Variants in ITM2C observed in about 807,000 individuals in gnomAD.
ITM2C encodes the protein integral membrane protein 2C.
In ITM2C, 20 loss-of-function variants were observed where a neutral mutation model predicts 30.0. That is an observed-to-expected ratio of 0.67 (90% CI 0.47 to 0.97). ITM2C has a LOEUF of 0.97. Ranked by LOEUF, ITM2C falls within the 50% of genes least tolerant of loss-of-function variation. The probability of loss-of-function intolerance (pLI) is 0.00; values close to 1 mark genes in which losing one functional copy is unlikely to be tolerated. For missense variants in ITM2C, 366 were observed against 371.9 expected (o/e 0.98, Z 0.13); for synonymous variants, 167 against 156.4 (o/e 1.07, Z -0.51).
At chr2:230,867,651 C>G (rs944317465) in intron 1 of ITM2C, among the ~76,000 whole-genome samples, 1 of 125,448 alleles carries the variant, frequency 8.0e-6, no homozygotes, top group African/African-American at 3.1e-5. Flanking sequence ...TTTATTTTAT[C>G]TATTTTATTT....
At position 230,877,459 on chromosome 2, in the gene ITM2C, T is replaced by C. The variant is rs940283515; in HGVS notation, c.621T>C (p.His207=). 3 of 1,613,596 alleles carry C rather than the reference T, an allele frequency of 1.9e-6. No homozygotes were observed. The highest frequency in any genetic ancestry group is 1.3e-5 in the African/African-American group (1 of 74,910). Residue 207 remains histidine, a synonymous_variant, in exon 5 of 6, where the codon CAT becomes CAC. Transcript: ENST00000326427. The surrounding 1 kb of genome is among the most constrained non-coding windows in gnomAD (Gnocchi z 4.8). ...IIQEEMVVTE[H]VSDKEALGSF... is the part of the protein sequence containing the mutation. ...AGGAGGAGATGGTGGTCACGGAGCA[T>C]GTCAGTGACAAGGAGGCCCTGGGGT...
Position 230,877,405 on chromosome 2 carries a change from G to A in ITM2C, c.567G>A (p.Gly189=), listed in dbSNP as rs1475981134. 1 of 1,613,562 alleles carries A rather than the reference G, an allele frequency of 6.2e-7. No homozygotes were observed. The highest frequency in any genetic ancestry group is 8.5e-7 in the Non-Finnish European group (1 of 1,179,938). The change falls in exon 5 of 6, where the codon GGG becomes GGA. Residue 189 remains glycine, a synonymous_variant. Transcript: ENST00000326427. This position sits in a 1 kb window ranked among gnomAD's most constrained non-coding sequence, Gnocchi z 4.8. Reference sequence around the variant, plus strand: ...GCGGCCACCTTGTTTTGCAGAGGGGGACCTACCTGCCGCAGACGTACATCA... The same window carrying A: ...GCGGCCACCTTGTTTTGCAGAGGGGAACCTACCTGCCGCAGACGTACATCA... ...FWELLMNVKR[G]TYLPQTYIIQ...
At chr2:230,875,582 C>G in intron 2 of ITM2C, 38 bp from the exon 3 acceptor site, 1 of 1,555,348 alleles carries the variant, frequency 6.4e-7, no homozygotes, top group South Asian at 1.2e-5. Flanking sequence ...GTATGACCAG[C>G]CTCTCTGACT....
intron 1 of ITM2C, among the ~76,000 whole-genome samples, chr2:230,871,998 C>T (rs1697177745): frequency 6.6e-6 from 1 of 152,258 alleles, no homozygotes; most frequent in South Asian, 2.1e-4. Flanking sequence ...CCTGAACCAC[C>T]CCCCTCCAGG....
chr2:230,865,694 T>A lies in ITM2C; in HGVS notation c.120+549T>A, dbSNP rs1697011038. On this transcript the variant is annotated intron_variant, in intron 1 of 5. Coordinates refer to ENST00000326427, the MANE Select transcript of ITM2C (RefSeq NM_030926.6). This position sits in a 1 kb window ranked among gnomAD's most constrained non-coding sequence, Gnocchi z 6.8. Reference sequence around the variant, plus strand: ...TGGGGGCTGCGAGGGACAGAGGATGTGCTGCTGGCCTGCACCGGAATTGAC... The same window carrying A: ...TGGGGGCTGCGAGGGACAGAGGATGAGCTGCTGGCCTGCACCGGAATTGAC... 2.0e-5 allele frequency: 3 copies of A among 152,606 alleles called. No individual in the cohort carries two copies. The highest frequency in any genetic ancestry group is 2.1e-4 in the South Asian group (1 of 4,838). 9.5% of individuals were successfully genotyped at this position (152,606 alleles called of 1,614,324 possible).
At chr2:230,871,943 C>A (rs1438930448) in intron 1 of ITM2C, among the ~76,000 whole-genome samples, 1 of 152,246 alleles carries the variant, frequency 6.6e-6, no homozygotes, top group African/African-American at 2.4e-5. Context: ...AGGGCAGGAC[C>A]CCTGTGCTGT....
At chr2:230,868,815 G>A (rs921888656) in intron 1 of ITM2C, among the ~76,000 whole-genome samples, 2 of 152,222 alleles carry the variant, frequency 1.3e-5, no homozygotes, top group East Asian at 3.9e-4. Flanking sequence ...CTGGCCAAGA[G>A]GGCCTGGCCC....
Position 230,865,446 on chromosome 2 carries a change from GA to G in ITM2C, c.120+302del. ...GGGCCCCCTCGCCGCCTTATAGGGG[GA>G]GGGGGCTGGTCCGAAGAAGTTCGAG... On this transcript the variant is annotated intron_variant, in intron 1 of 5. Coordinates refer to ENST00000326427, the MANE Select transcript of ITM2C (RefSeq NM_030926.6). This position sits in a 1 kb window ranked among gnomAD's most constrained non-coding sequence, Gnocchi z 6.8. 1 of 291,304 alleles carries G rather than the reference GA, an allele frequency of 3.4e-6. No homozygotes were observed. Among genetic ancestry groups the G allele is most frequent in the Non-Finnish European group, 6.3e-6 (1 of 157,864 alleles). The allele number at this position is 291,304 out of a possible 1,614,324, so 18.0% of individuals were successfully genotyped here.
chr2:230,865,234 C>G lies in ITM2C; in HGVS notation c.120+89C>G, dbSNP rs1696997086. 3 of 1,247,752 alleles carry G rather than the reference C, an allele frequency of 2.4e-6. No homozygotes were observed. The highest frequency in any genetic ancestry group is 2.0e-6 in the Non-Finnish European group (2 of 981,674). The allele number at this position is 1,247,752 out of a possible 1,614,324, so 77.3% of individuals were successfully genotyped here. A position where few individuals can be genotyped will look rare whatever the true frequency, so the allele number is the denominator to read the frequency against. ...CGTCGGCCCTGGGGACTGCCCGAGGCGCGTCAGGGCCCCAGAGCCCGGGGT... is the reference window on the plus strand; with the variant it reads ...CGTCGGCCCTGGGGACTGCCCGAGGGGCGTCAGGGCCCCAGAGCCCGGGGT... On this transcript the variant is annotated intron_variant, in intron 1 of 5. Coordinates refer to ENST00000326427, the MANE Select transcript of ITM2C (RefSeq NM_030926.6). This position sits in a 1 kb window ranked among gnomAD's most constrained non-coding sequence, Gnocchi z 6.8.
chr2:230,875,181 G>A (rs1697260710), intron 2 of ITM2C, among the ~76,000 whole-genome samples: 1 of 152,190 alleles, frequency 6.6e-6, no homozygotes, highest in African/African-American at 2.4e-5. Flanking sequence ...TTTCTCTGGT[G>A]TCTGCACCTC....
Position 230,877,866 on chromosome 2 carries a change from C to A in ITM2C, c.713-142C>A. The A allele has an allele frequency of 1.4e-6, 1 of 701,464 alleles. No individual in the cohort carries two copies. 43.5% of individuals were successfully genotyped at this position (701,464 alleles called of 1,614,324 possible). On this transcript the variant is annotated intron_variant, in intron 5 of 5. Coordinates refer to ENST00000326427, the MANE Select transcript of ITM2C (RefSeq NM_030926.6). This position sits in a 1 kb window ranked among gnomAD's most constrained non-coding sequence, Gnocchi z 4.8. ...AGGCTGACTCCAGCTTTCGAGCTCT[C>A]CCCATTTCTCACTGTGCTCTTTGGG... is the stretch of plus-strand genomic sequence containing the variant.
At chr2:230,866,603 C>A (rs559103115) in intron 1 of ITM2C, among the ~76,000 whole-genome samples, 35 of 152,098 alleles carry the variant, frequency 2.3e-4, no homozygotes, top group Admixed American at 1.3e-3. Flanking sequence ...GCAGCTCCCC[C>A]CTTTTCATCT....
In ITM2C at chr2:230,877,343, G is replaced by C. The variant is rs1436946388; in HGVS notation, c.562-57G>C. 8.8e-6 allele frequency: 14 copies of C among 1,583,956 alleles called. No individual in the cohort carries two copies. Among genetic ancestry groups the C allele is most frequent in the Non-Finnish European group, 1.2e-5 (14 of 1,158,680 alleles). Reference sequence around the variant, plus strand: ...GGAGGTGGGCTGGCATTTCGGGCGAGGGGTTGGACGAAAGCCTGAGGGGCC... The same window carrying C: ...GGAGGTGGGCTGGCATTTCGGGCGACGGGTTGGACGAAAGCCTGAGGGGCC... On this transcript the variant is annotated intron_variant, in intron 4 of 5. Transcript: ENST00000326427. This position sits in a 1 kb window ranked among gnomAD's most constrained non-coding sequence, Gnocchi z 4.8.
At chr2:230,874,538 G>A (rs1287486600) in intron 2 of ITM2C, among the ~76,000 whole-genome samples, 3 of 152,050 alleles carry the variant, frequency 2.0e-5, no homozygotes, top group East Asian at 1.9e-4. Context: ...ACCCCAATTC[G>A]TTGTGTGGAC....
At chr2:230,867,125 G>T (rs991401717) in intron 1 of ITM2C, among the ~76,000 whole-genome samples, 6 of 152,156 alleles carry the variant, frequency 3.9e-5, no homozygotes, top group African/African-American at 1.2e-4. Context: ...TGTCAGTTGG[G>T]CAGGGTCCCC....
chr2:230,871,508 A>G (rs1574593078), intron 1 of ITM2C, among the ~76,000 whole-genome samples: 1 of 152,224 alleles, frequency 6.6e-6, no homozygotes, highest in Non-Finnish European at 1.5e-5. Context: ...CACTGTGGCC[A>G]TGCCCGTCAC....
At position 230,877,588 on chromosome 2, in the gene ITM2C, G is replaced by T. The variant is rs774698380; in HGVS notation, c.712+38G>T. ...CTTCACCCACAGTAGCCCCTGTCCCGTGCCCCAGACCACAGTTATCTTCAC... is the reference window on the plus strand; with the variant it reads ...CTTCACCCACAGTAGCCCCTGTCCCTTGCCCCAGACCACAGTTATCTTCAC... On this transcript the variant is annotated intron_variant, in intron 5 of 5. Transcript: ENST00000326427. The surrounding 1 kb of genome is among the most constrained non-coding windows in gnomAD (Gnocchi z 4.8). 3 of 1,608,608 alleles carry T rather than the reference G, an allele frequency of 1.9e-6. No homozygotes were observed. The highest frequency in any genetic ancestry group is 2.2e-5 in the East Asian group (1 of 44,852).
At position 230,873,452 on chromosome 2, in the gene ITM2C, G is replaced by A. The variant is rs943820219; in HGVS notation, c.156G>A (p.Gly52=). The A allele has an allele frequency of 8.7e-6, 14 of 1,606,852 alleles. No homozygotes were observed. Among genetic ancestry groups the A allele is most frequent in the Non-Finnish European group, 8.5e-7 (1 of 1,176,806 alleles). ...EQPPQHRSKR[G]GSVGGVCYLS... is the part of the protein sequence containing the mutation. ...CCCCACAACATCGATCCAAGAGGGG[G>A]GGCTCAGTGGGCGGCGTGTGCTACC... The change falls in exon 2 of 6, where the codon GGG becomes GGA. Residue 52 remains glycine, a synonymous_variant. Transcript: ENST00000326427.
rs760660675 is a variant in ITM2C at position 230,877,383 on chromosome 2, G to C, written c.562-17G>C. The C allele has an allele frequency of 2.5e-6, 4 of 1,611,956 alleles. No individual in the cohort carries two copies. Among genetic ancestry groups the C allele is most frequent in the Non-Finnish European group, 3.4e-6 (4 of 1,178,788 alleles). On this transcript the variant is annotated splice_polypyrimidine_tract_variant and intron_variant, in intron 4 of 5. Transcript: ENST00000326427. The surrounding 1 kb of genome is among the most constrained non-coding windows in gnomAD (Gnocchi z 4.8). ...CCTGAGGGGCCGACTCACTGTGGCG[G>C]CCACCTTGTTTTGCAGAGGGGGACC...
Sources: allele counts gnomAD v4.1 joint callset (sites outside exome capture counted in the v4.1 genomes callset), GRCh38; gene constraint gnomAD v4.1.1; non-coding constraint Gnocchi (gnomAD v3.1); transcripts MANE v1.5; gene names NCBI Gene and HGNC (gene_info 2026-07-23, HGNC 2026-07-21).